TBX20: variants seen among roughly 807,000 people sequenced by gnomAD.
The protein encoded by TBX20 is T-box transcription factor TBX20.
A neutral mutation model predicts 42.9 loss-of-function variants in TBX20; 8 were observed. The observed-to-expected ratio is 0.19, with a 90% CI of 0.11 to 0.34. The LOEUF (loss-of-function observed/expected upper bound fraction) is 0.34, where lower values mean the gene tolerates loss of function less well. Among genes scored for constraint, TBX20 ranks in the 10% least tolerant of loss-of-function variants. The probability of loss-of-function intolerance (pLI) is 1.00; values close to 1 mark genes in which losing one functional copy is unlikely to be tolerated. For synonymous variants in TBX20, 198 were observed against 222.8 expected (o/e 0.89, Z 0.99); for missense variants, 411 against 566.0 (o/e 0.73, Z 2.78).
At chr7:35,251,479 G>T (rs1322952367) in intron 1 of TBX20, among the ~76,000 whole-genome samples, 1 of 152,084 alleles carries the variant, frequency 6.6e-6, no homozygotes, top group Non-Finnish European at 1.5e-5. Context: ...TCAGATTAAC[G>T]AAAGGAAACC....
chr7:35,210,139 G>A (rs1380900521), intron 6 of TBX20, among the ~76,000 whole-genome samples: 1 of 146,062 alleles, frequency 6.8e-6, no homozygotes, highest in Non-Finnish European at 1.5e-5. Context: ...TTTTGAGACG[G>A]AGTCTCACTC....
intron 1 of TBX20, among the ~76,000 whole-genome samples, chr7:35,251,739 G>A (rs1790309504): frequency 6.6e-6 from 1 of 152,140 alleles, no homozygotes; most frequent in Non-Finnish European, 1.5e-5. Context: ...GGGCAATCCT[G>A]GGACACACTG....
chr7:35,250,804 T>C (rs1411644541), intron 1 of TBX20, among the ~76,000 whole-genome samples: 1 of 152,250 alleles, frequency 6.6e-6, no homozygotes, highest in East Asian at 1.9e-4. Flanking sequence ...TTCAGTTTTC[T>C]AGGCTTTATG....
At chr7:35,246,351 A>G (rs1485842708) in intron 3 of TBX20, among the ~76,000 whole-genome samples, 1 of 152,088 alleles carries the variant, frequency 6.6e-6, no homozygotes, top group Non-Finnish European at 1.5e-5. Flanking sequence ...ACCACTTTTC[A>G]AGTACCATCC....
chr7:35,234,409 A>C (rs1407047928), intron 5 of TBX20, among the ~76,000 whole-genome samples: 5 of 152,202 alleles, frequency 3.3e-5, no homozygotes, highest in African/African-American at 4.8e-5. Flanking sequence ...CTCTCAAAAC[A>C]CATGTTGCTC....
At chr7:35,242,245 T>A (rs759341948) in intron 4 of TBX20, among the ~76,000 whole-genome samples, 17 of 152,230 alleles carry the variant, frequency 1.1e-4, no homozygotes, top group African/African-American at 3.4e-4. Flanking sequence ...TGTGCTGAGA[T>A]GTAAGCCAGC....
At chr7:35,252,538 G>T in intron 1 of TBX20, among the ~76,000 whole-genome samples, 1 of 94,076 alleles carries the variant, frequency 1.1e-5, no homozygotes, top group African/African-American at 4.3e-5. Context: ...TCATTATTTT[G>T]GATGTGATAT....
chr7:35,223,079 A>G (rs1297443787), intron 6 of TBX20, among the ~76,000 whole-genome samples: 3 of 151,138 alleles, frequency 2.0e-5, no homozygotes, highest in Non-Finnish European at 4.4e-5. Flanking sequence ...AAGTAGTTGG[A>G]CTCCTCTGGA....
intron 6 of TBX20, among the ~76,000 whole-genome samples, chr7:35,226,718 T>C (rs1435132830): frequency 6.6e-6 from 1 of 152,196 alleles, no homozygotes; most frequent in African/African-American, 2.4e-5. Flanking sequence ...ATAGCCATCA[T>C]AATGCAGCAA....
chr7:35,230,015 T>C (rs1280747252), intron 6 of TBX20, among the ~76,000 whole-genome samples: 3 of 151,838 alleles, frequency 2.0e-5, no homozygotes, highest in African/African-American at 7.3e-5. Context: ...ATATCACGTG[T>C]ACCCCCATGG....
chr7:35,250,630 C>T (rs1440696317), intron 1 of TBX20, among the ~76,000 whole-genome samples: 1 of 152,160 alleles, frequency 6.6e-6, no homozygotes. Flanking sequence ...TCAACGGAGA[C>T]AAAGGGAGTG....
chr7:35,249,355 G>A lies in TBX20; in HGVS notation c.381-514C>T, dbSNP rs951300241. On this transcript the variant is annotated intron_variant, in intron 2 of 7. Transcript: ENST00000408931. The surrounding 1 kb of genome is among the most constrained non-coding windows in gnomAD (Gnocchi z 4.3). ...GAGCTAGAGCCACCAAGTTTTGCCA[G>A]CCTCTGCCCCATCCCAACCTCCCTG... 6.6e-6 allele frequency among the ~76,000 whole-genome samples: 1 copy of A among 152,240 alleles called. No individual in the cohort carries two copies. The highest frequency in any genetic ancestry group is 2.4e-5 in the African/African-American group (1 of 41,474).
rs150321156 is a variant in TBX20 at position 35,222,715 on chromosome 7, A to G, written c.890+8789T>C. On this transcript the variant is annotated intron_variant, in intron 6 of 7. Transcript: ENST00000408931. ...CCCTCAGGCTGGGACAGCCCTCGCC[A>G]TGTTCAAGAAATGTAATCAGGTCTG... is the stretch of plus-strand genomic sequence containing the variant. 4.7e-3 allele frequency among the ~76,000 whole-genome samples: 714 copies of G among 152,240 alleles called. 28 individuals carry two copies. In the South Asian group the frequency reaches 0.082, roughly 18 times the overall value.
At chr7:35,217,230 T>C (rs1339186028) in intron 6 of TBX20, among the ~76,000 whole-genome samples, 3 of 152,214 alleles carry the variant, frequency 2.0e-5, no homozygotes, top group African/African-American at 7.2e-5. Context: ...GTATTATCAT[T>C]AGAAACTTAA....
chr7:35,241,233 C>T (rs1380455476), intron 4 of TBX20, among the ~76,000 whole-genome samples, 196 bp from the exon 5 acceptor site: 1 of 152,198 alleles, frequency 6.6e-6, no homozygotes, highest in Non-Finnish European at 1.5e-5. Flanking sequence ...TCACATTTTA[C>T]CAAAACAACT....
chr7:35,227,181 C>A (rs1346091620), intron 6 of TBX20, among the ~76,000 whole-genome samples: 11 of 151,148 alleles, frequency 7.3e-5, no homozygotes, highest in Admixed American at 2.6e-4. Context: ...ATGTTTTAAT[C>A]TAAATGTTAC....
intron 4 of TBX20, among the ~76,000 whole-genome samples, chr7:35,241,683 GCTTC>G (rs1236246730): frequency 6.6e-6 from 1 of 152,132 alleles, no homozygotes; most frequent in African/African-American, 2.4e-5. Flanking sequence ...ATTTATGACA[GCTTC>G]CTTGATTTCT....
intron 4 of TBX20, among the ~76,000 whole-genome samples, chr7:35,241,818 T>C (rs1489926598): frequency 6.6e-6 from 1 of 152,122 alleles, no homozygotes; most frequent in Non-Finnish European, 1.5e-5. Flanking sequence ...AGCCAATAGG[T>C]AGTATTTTTC....
rs1427226982 is a variant in TBX20 at position 35,249,793 on chromosome 7, T to A, written c.380+158A>T. Among the ~76,000 whole-genome samples the A allele has an allele frequency of 6.6e-6, 1 of 152,060 alleles. No homozygotes were observed. Among genetic ancestry groups the A allele is most frequent in the East Asian group, 1.9e-4 (1 of 5,194 alleles). On this transcript the variant is annotated intron_variant, in intron 2 of 7. Transcript: ENST00000408931. The surrounding 1 kb of genome is among the most constrained non-coding windows in gnomAD (Gnocchi z 4.3). ...CGCAAATGACTAGACATCCTGTAGC[T>A]CCTAATGCAAGCTGGTGGAAAGCAG... is the stretch of plus-strand genomic sequence containing the variant.
Sources: gnomAD v4.1 joint callset for allele counts (sites outside exome capture counted in the v4.1 genomes callset) on GRCh38, gnomAD v4.1.1 for gene constraint, Gnocchi (gnomAD v3.1) non-coding constraint, MANE v1.5 for transcripts, NCBI Gene and HGNC (gene_info 2026-07-23, HGNC 2026-07-21) for gene names.